Variants in MYBPC2 observed in about 807,000 individuals in gnomAD.
MYBPC2 encodes myosin-binding protein C, fast-type.
MYBPC2 carries 122 observed loss-of-function variants against 137.0 expected under a neutral mutation model. The ratio of observed to expected loss-of-function variants is 0.89; its 90% CI spans 0.77 to 1.03. MYBPC2 has a LOEUF of 1.03. Among genes scored for constraint, MYBPC2 ranks in the 50% least tolerant of loss-of-function variants. MYBPC2 has a pLI of 0.00. For missense variants in MYBPC2, 1,500 were observed against 1,534.4 expected, an observed-to-expected ratio of 0.98 and a Z score of 0.37; for synonymous variants, 626 against 612.3, an observed-to-expected ratio of 1.02 and a Z score of -0.33.
At chr19:50,444,812 G>A (rs189306111) in intron 11 of MYBPC2, among the ~76,000 whole-genome samples, 4 of 149,714 alleles carry the variant, frequency 2.7e-5, no homozygotes, top group Admixed American at 1.3e-4. Context: ...CCTGGGAGGC[G>A]GAGCTTGCAG....
intron 9 of MYBPC2, among the ~76,000 whole-genome samples, chr19:50,442,692 A>T (rs1463847849): frequency 1.3e-5 from 2 of 151,948 alleles, no homozygotes; most frequent in African/African-American, 4.8e-5. Context: ...AGATCTCGCC[A>T]CTGCACTCCA....
intron 26 of MYBPC2, among the ~76,000 whole-genome samples, chr19:50,462,538 G>A (rs1350129066): frequency 6.6e-6 from 1 of 151,858 alleles, no homozygotes; most frequent in Non-Finnish European, 1.5e-5. Context: ...CAGAGCCCAA[G>A]TCTCAGACAA....
Position 50,458,929 on chromosome 19 carries a change from A to G in MYBPC2, c.2518A>G (p.Ile840Val), listed in dbSNP as rs1568668118. The G allele has an allele frequency of 6.2e-7, 1 of 1,611,520 alleles. No individual in the cohort carries two copies. Among genetic ancestry groups the G allele is most frequent in the South Asian group, 1.1e-5 (1 of 90,656 alleles). Residue 840 changes from isoleucine to valine, a missense_variant, in exon 22 of 28, where the codon ATC becomes GTC. Transcript: ENST00000357701. ...TIREIAEPPK[I>V]RLPRHLRQTY... ...GTTTGCGCCCTCAGAGCCACCCAAGATCCGGCTTCCCCGCCATCTCCGCCA... is the reference window on the plus strand; with the variant it reads ...GTTTGCGCCCTCAGAGCCACCCAAGGTCCGGCTTCCCCGCCATCTCCGCCA...
At chr19:50,462,091 A>G (rs2039977979) in intron 26 of MYBPC2, 55 bp downstream of exon 26, 4 of 1,525,194 alleles carry the variant, frequency 2.6e-6, no homozygotes, top group East Asian at 2.4e-5. Flanking sequence ...GGAATCTTCC[A>G]TACAATGAAG....
In MYBPC2 at chr19:50,435,227, A is replaced by G; in HGVS notation, c.86A>G (p.Glu29Gly). ...KGAPKEAPPK[E>G]APAEAPKEAP... ...GCCCCCAAGGAGGCTCCCCCTAAGG[A>G]GGCTCCTGCAGAGGCCCCCAAAGGT... The change falls in exon 2 of 28, where the codon GAG becomes GGG. Residue 29 changes from glutamate to glycine, a missense_variant. Glu to Gly is a moderately conservative substitution (Grantham distance 98). Coordinates refer to ENST00000357701, the MANE Select transcript of MYBPC2 (RefSeq NM_004533.4). This position sits in a 1 kb window ranked among gnomAD's most constrained non-coding sequence, Gnocchi z 4.8. The G allele has an allele frequency of 1.6e-6, 2 of 1,286,584 alleles. No individual in the cohort carries two copies. The highest frequency in any genetic ancestry group is 2.2e-6 in the Non-Finnish European group (2 of 892,036). The allele number at this position is 1,286,584 out of a possible 1,614,324, so 79.7% of individuals were successfully genotyped here.
At position 50,442,322 on chromosome 19, in the gene MYBPC2, G is replaced by A; in HGVS notation, c.902+9G>A. 6.2e-7 allele frequency: 1 copy of A among 1,607,348 alleles called. No homozygotes were observed. The highest frequency in any genetic ancestry group is 8.5e-7 in the Non-Finnish European group (1 of 1,177,078). ...ATCAAACCAAGCAGCAAGTATGTGT[G>A]GGGTGGGCAGTCCCTGCACCGGGGA... On this transcript the variant is annotated intron_variant, in intron 9 of 27. Transcript: ENST00000357701.
intron 1 of MYBPC2, among the ~76,000 whole-genome samples, chr19:50,433,185 G>A (rs1301258689): frequency 6.6e-6 from 1 of 152,106 alleles, no homozygotes; most frequent in Admixed American, 6.5e-5. Flanking sequence ...CTTTGTGACA[G>A]GAGTTTCCTT....
rs1386931674 is a variant in MYBPC2 at position 50,435,243 on chromosome 19, C to A, written c.102C>A (p.Ala34=). Residue 34 remains alanine (A), a synonymous_variant, in exon 2 of 28, where the codon GCC becomes GCA. Transcript: ENST00000357701. This position sits in a 1 kb window ranked among gnomAD's most constrained non-coding sequence, Gnocchi z 4.8. ...CCCCTAAGGAGGCTCCTGCAGAGGC[C>A]CCCAAAGGTGAGGAGGTGCTCCCTC... is the stretch of plus-strand genomic sequence containing the variant. ...EAPPKEAPAE[A]PKEAPPEDQS... The A allele has an allele frequency of 1.6e-6, 2 of 1,246,236 alleles. No individual in the cohort carries two copies. Among genetic ancestry groups the A allele is most frequent in the African/African-American group, 3.0e-5 (2 of 67,460 alleles). The allele number at this position is 1,246,236 out of a possible 1,614,324, so 77.2% of individuals were successfully genotyped here.
intron 7 of MYBPC2, among the ~76,000 whole-genome samples, 172 bp from the exon 8 acceptor site, chr19:50,440,708 G>C (rs1242624424): frequency 2.0e-5 from 3 of 150,288 alleles, no homozygotes. Flanking sequence ...GTGCTGGGAA[G>C]AGGTCAGAAG....
intron 24 of MYBPC2, among the ~76,000 whole-genome samples, chr19:50,461,004 A>AT (rs2039966527): frequency 1.2e-4 from 15 of 120,980 alleles, no homozygotes; most frequent in African/African-American, 4.4e-4. Context: ...ATTTCTTTTA[A>AT]ATTTTTTTTT....
chr19:50,464,498 C>T lies in MYBPC2; in HGVS notation c.3381C>T (p.Gly1127=), dbSNP rs1478052579. ...TYTCRAVNEL[G]EALAECKLEV... is the part of the protein sequence containing the mutation. Reference sequence around the variant, plus strand: ...CCTGCCGGGCCGTCAACGAGCTGGGCGAGGCGCTGGCTGAGTGCAAGCTGG... The same window carrying T: ...CCTGCCGGGCCGTCAACGAGCTGGGTGAGGCGCTGGCTGAGTGCAAGCTGG... Residue 1127 remains glycine, a synonymous_variant, in exon 27 of 28, where the codon GGC becomes GGT. Transcript: ENST00000357701. 12 of 1,612,250 alleles carry T rather than the reference C, an allele frequency of 7.4e-6. No individual in the cohort carries two copies. Among genetic ancestry groups the T allele is most frequent in the African/African-American group, 2.7e-5 (2 of 75,044 alleles).
intron 26 of MYBPC2, among the ~76,000 whole-genome samples, chr19:50,463,100 C>T (rs1416057690): frequency 6.6e-6 from 1 of 152,258 alleles, no homozygotes; most frequent in South Asian, 2.1e-4. Context: ...GTTGGCAAAC[C>T]ATCACCCATG....
Position 50,440,980 on chromosome 19 carries a change from G to A in MYBPC2, c.673G>A (p.Glu225Lys), listed in dbSNP as rs373667941. The A allele has an allele frequency of 2.7e-5, 44 of 1,613,478 alleles. No homozygotes were observed. The highest frequency in any genetic ancestry group is 5.5e-5 in the South Asian group (5 of 90,982). The part of the protein sequence containing the change: ...WELLKGAKKS[E>K]YEKIAFQYGI... ...GCTCCTGAAAGGGGCAAAGAAGAGC[G>A]AGTACGAGAAAATCGCCTTCCAGTA... Residue 225 changes from glutamate (E) to lysine (K), a missense_variant, in exon 8 of 28, where the codon GAG becomes AAG. By Grantham distance (56) the Glu-to-Lys change is moderately conservative. Coordinates refer to ENST00000357701, the MANE Select transcript of MYBPC2 (RefSeq NM_004533.4).
intron 16 of MYBPC2, among the ~76,000 whole-genome samples, chr19:50,453,547 C>CT (rs1051896415): frequency 5.2e-4 from 77 of 148,386 alleles, no homozygotes; most frequent in Middle Eastern, 3.4e-3. Flanking sequence ...CTTTTTTTCT[C>CT]TTTTTTTTTT....
intron 27 of MYBPC2, 23 bp downstream of exon 27, chr19:50,464,555 C>T: frequency 1.3e-6 from 2 of 1,582,550 alleles, no homozygotes; most frequent in Middle Eastern, 1.8e-4. Context: ...CCATCCCCAA[C>T]ACTGGCTGAC....
chr19:50,455,476 T>TC, intron 19 of MYBPC2, 34 bp from the exon 20 acceptor site: 2 of 1,599,598 alleles, frequency 1.3e-6, no homozygotes, highest in East Asian at 2.2e-5. Flanking sequence ...GACCCCTCAT[T>TC]CCCCCCATAT....
At chr19:50,457,396 G>C (rs536063563) in intron 20 of MYBPC2, among the ~76,000 whole-genome samples, 1 of 152,320 alleles carries the variant, frequency 6.6e-6, no homozygotes, top group East Asian at 1.9e-4. Context: ...ACGAAAAGCA[G>C]GCAATCTGAA....
At chr19:50,443,669 G>C in intron 10 of MYBPC2, 42 bp from the exon 11 acceptor site, 1 of 1,611,294 alleles carries the variant, frequency 6.2e-7, no homozygotes, top group Non-Finnish European at 8.5e-7. Flanking sequence ...AACTCTGGAG[G>C]GGGTCCTGAA....
At chr19:50,446,084 A>G (rs2039803318) in intron 12 of MYBPC2, 32 bp downstream of exon 12, 1 of 1,601,806 alleles carries the variant, frequency 6.2e-7, no homozygotes, top group Non-Finnish European at 8.5e-7. Context: ...CACGGGCTGC[A>G]CTGCGCATGC....
Sources: allele counts gnomAD v4.1 joint callset (sites outside exome capture counted in the v4.1 genomes callset), GRCh38; gene constraint gnomAD v4.1.1; non-coding constraint Gnocchi (gnomAD v3.1); transcripts MANE v1.5; gene names NCBI Gene and HGNC (gene_info 2026-07-23, HGNC 2026-07-21).